Variants in CACNG3 observed in about 807,000 individuals in gnomAD.
CACNG3 encodes the protein calcium voltage-gated channel auxiliary subunit gamma 3.
CACNG3 carries 3 observed loss-of-function variants against 28.5 expected under a neutral mutation model. That is an observed-to-expected ratio of 0.11 (90% CI 0.05 to 0.27). CACNG3 has a LOEUF of 0.27. Among genes scored for constraint, CACNG3 ranks in the 10% least tolerant of loss-of-function variants. The pLI is 1.00. For missense variants in CACNG3, 236 were observed against 414.4 expected (o/e 0.57, Z 3.74); for synonymous variants, 174 against 162.2 (o/e 1.07, Z -0.55).
intron 2 of CACNG3, among the ~76,000 whole-genome samples, chr16:24,351,616 GGGAAGGAGGGGAAGGGGA>G (rs1205265610): frequency 8.5e-6 from 1 of 117,442 alleles, no homozygotes; most frequent in East Asian, 2.5e-4. Flanking sequence ...GAAGGGGAAG[GGGAAGGAGGGGAAGGGGA>G]AGGGGAAGGG....
At chr16:24,261,340 A>G (rs1275436311) in intron 1 of CACNG3, among the ~76,000 whole-genome samples, 1 of 152,254 alleles carries the variant, frequency 6.6e-6, no homozygotes, top group African/African-American at 2.4e-5. Context: ...CACAAGCCTC[A>G]TCTGAAGGAT....
At chr16:24,285,604 G>A (rs1388402036) in intron 1 of CACNG3, among the ~76,000 whole-genome samples, 1 of 152,082 alleles carries the variant, frequency 6.6e-6, no homozygotes, top group Non-Finnish European at 1.5e-5. Context: ...GGCTGAGGCA[G>A]GAGGAGTTCA....
At chr16:24,306,831 G>A (rs1206857929) in intron 1 of CACNG3, among the ~76,000 whole-genome samples, 1 of 152,152 alleles carries the variant, frequency 6.6e-6, no homozygotes, top group Non-Finnish European at 1.5e-5. Flanking sequence ...GATGGGGAAA[G>A]TGAGGCTCCA....
intron 1 of CACNG3, among the ~76,000 whole-genome samples, chr16:24,297,731 G>C (rs908249995): frequency 6.6e-6 from 1 of 152,206 alleles, no homozygotes; most frequent in Admixed American, 6.5e-5. Context: ...GGATGGATGG[G>C]GAGGGGGTGC....
chr16:24,312,970 G>GA lies in CACNG3; in HGVS notation c.212-33761dup, dbSNP rs1184583659. 5.4e-5 allele frequency among the ~76,000 whole-genome samples: 7 copies of GA among 130,488 alleles called. 1 individual carries two copies. Among genetic ancestry groups the GA allele is most frequent in the African/African-American group, 1.2e-4 (4 of 34,660 alleles). The allele number at this position is 130,488 out of a possible 152,430, so 85.6% of individuals were successfully genotyped here. ...AAGAAAGAAAGAGAAAGAAAGAAAAGAAAGAAAGAAATAAAAGAAAGAAAG... is the reference window on the plus strand; with the variant it reads ...AAGAAAGAAAGAGAAAGAAAGAAAAGAAAAGAAAGAAATAAAAGAAAGAAAG... On this transcript the variant is annotated intron_variant, in intron 1 of 3. Coordinates refer to ENST00000005284, the MANE Select transcript of CACNG3 (RefSeq NM_006539.4).
At chr16:24,281,767 A>G (rs1898832235) in intron 1 of CACNG3, among the ~76,000 whole-genome samples, 1 of 152,148 alleles carries the variant, frequency 6.6e-6, no homozygotes, top group Non-Finnish European at 1.5e-5. Context: ...TGTTCTGACC[A>G]GCATGAATGC....
chr16:24,258,991 C>T (rs1310517084), intron 1 of CACNG3, among the ~76,000 whole-genome samples: 3 of 152,168 alleles, frequency 2.0e-5, no homozygotes, highest in Non-Finnish European at 4.4e-5. Context: ...ACATCAAGTC[C>T]TACACCCACA....
chr16:24,322,175 A>C (rs1899470178), intron 1 of CACNG3, among the ~76,000 whole-genome samples: 1 of 151,952 alleles, frequency 6.6e-6, no homozygotes, highest in Non-Finnish European at 1.5e-5. Flanking sequence ...CCTCACCCCC[A>C]CCCTGTGCCC....
At chr16:24,342,717 G>A (rs1053604989) in intron 1 of CACNG3, among the ~76,000 whole-genome samples, 4 of 152,148 alleles carry the variant, frequency 2.6e-5, no homozygotes, top group Non-Finnish European at 4.4e-5. Context: ...AAATGGGCAC[G>A]ATTGTGTTTC....
chr16:24,269,746 C>CAAAAAAAAAAAAAAAAAAAAAA (rs1163565728), intron 1 of CACNG3, among the ~76,000 whole-genome samples: 5 of 71,082 alleles, frequency 7.0e-5, no homozygotes, highest in African/African-American at 9.7e-5. Flanking sequence ...GACTCCATCT[C>CAAAAAAAAAAAAAAAAAAAAAA]AAAAAAAAAA....
chr16:24,307,711 G>C (rs938576045), intron 1 of CACNG3, among the ~76,000 whole-genome samples: 1 of 152,196 alleles, frequency 6.6e-6, no homozygotes, highest in African/African-American at 2.4e-5. Context: ...ACAAATGGAT[G>C]ATGAACAGAG....
chr16:24,283,248 T>A (rs1393241707), intron 1 of CACNG3, among the ~76,000 whole-genome samples: 1 of 152,188 alleles, frequency 6.6e-6, no homozygotes, highest in Non-Finnish European at 1.5e-5. Flanking sequence ...TTGTAGGATA[T>A]TGAGATATTA....
At chr16:24,263,082 G>C (rs991686199) in intron 1 of CACNG3, among the ~76,000 whole-genome samples, 2 of 152,260 alleles carry the variant, frequency 1.3e-5, no homozygotes, top group Non-Finnish European at 2.9e-5. Context: ...ATTGAGGCCT[G>C]GTTGCTACAA....
chr16:24,302,192 C>A (rs1407340925), intron 1 of CACNG3, among the ~76,000 whole-genome samples: 1 of 152,216 alleles, frequency 6.6e-6, no homozygotes, highest in Non-Finnish European at 1.5e-5. Context: ...AATCCATGTT[C>A]CACAATGTAG....
chr16:24,349,746 CAG>C (rs1442698337), intron 2 of CACNG3, among the ~76,000 whole-genome samples: 6 of 152,174 alleles, frequency 3.9e-5, no homozygotes, highest in Admixed American at 6.6e-5. Flanking sequence ...TGTTTTACAG[CAG>C]AGTCTTTGTG....
chr16:24,326,000 A>G (rs1899536468), intron 1 of CACNG3, among the ~76,000 whole-genome samples: 1 of 152,204 alleles, frequency 6.6e-6, no homozygotes, highest in Admixed American at 6.5e-5. Context: ...GATATTAGCA[A>G]GATTCAGATG....
Sources: allele counts gnomAD v4.1 joint callset (sites outside exome capture counted in the v4.1 genomes callset), GRCh38; gene constraint gnomAD v4.1.1; transcripts MANE v1.5; gene names NCBI Gene and HGNC (gene_info 2026-07-23, HGNC 2026-07-21).